The following RFFL variants were observed in gnomAD, a reference collection of about 807,000 sequenced individuals.
RFFL encodes ring finger and FYVE like domain containing E3 ubiquitin protein ligase.
In RFFL, 16 loss-of-function variants were observed where a neutral mutation model predicts 40.4. The ratio of observed to expected loss-of-function variants is 0.40; its 90% confidence interval spans 0.27 to 0.60. The LOEUF (loss-of-function observed/expected upper bound fraction) is 0.60, where lower values mean the gene tolerates loss of function less well. RFFL is among the 20% of genes least tolerant of loss of function. The pLI, the probability that RFFL is intolerant of heterozygous loss-of-function variation, is 0.47. For synonymous variants in RFFL, 154 were observed against 167.9 expected (o/e 0.92, Z 0.64); for missense variants, 367 against 451.7 (o/e 0.81, Z 1.70).
rs1491535228 is a variant in RFFL, at chr17:35,063,628, GTT to G, written c.-63_-62del. ...CACGACAGAAAGCAAGCTGTCTCTAGTTCCTGTGGCTGAGGTCGCTGGAGCCA... is the reference window on the plus strand; with the variant it reads ...CACGACAGAAAGCAAGCTGTCTCTAGCCTGTGGCTGAGGTCGCTGGAGCCA... On this transcript the variant is annotated 5_prime_UTR_variant, in exon 1 of 7. It removes the in-frame stop codon of an upstream open reading frame in the 5' UTR. Transcript: ENST00000394597. The G allele has an allele frequency of 2.6e-5, 4 of 152,246 alleles. No individual in the cohort carries two copies. Among genetic ancestry groups the G allele is most frequent in the African/African-American group, 9.7e-5 (4 of 41,434 alleles). 9.4% of individuals were successfully genotyped at this position (152,246 alleles called of 1,614,324 possible).
intron 1 of RFFL, among the ~76,000 whole-genome samples, chr17:35,081,690 C>A (rs965512433): frequency 6.6e-6 from 1 of 151,876 alleles, no homozygotes; most frequent in African/African-American, 2.4e-5. Flanking sequence ...ACCCTGGGGC[C>A]TAAGTCCATT....
In RFFL at chr17:35,006,868, G is replaced by C. The variant is rs1182611973; in HGVS notation, c.*5100C>G. The C allele has an allele frequency of 1.4e-5, 2 of 146,486 alleles. No individual in the cohort carries two copies. Among genetic ancestry groups the C allele is most frequent in the Non-Finnish European group, 3.0e-5 (2 of 66,328 alleles). 9.1% of individuals were successfully genotyped at this position (146,486 alleles called of 1,614,324 possible). ...TTGGCTTCCACCTACTGTTTAAAAT[G>C]TGTATGTTGGGGGAGTAGGGACAGC... On this transcript the variant is annotated 3_prime_UTR_variant, in exon 7 of 7. Coordinates refer to ENST00000394597, the MANE Select transcript of RFFL (RefSeq NM_001017368.2).
In RFFL at chr17:35,010,297, T is replaced by C. The variant is rs756134240; in HGVS notation, c.*1671A>G. On this transcript the variant is annotated 3_prime_UTR_variant, in exon 7 of 7. Coordinates refer to ENST00000394597, the MANE Select transcript of RFFL (RefSeq NM_001017368.2). ...GTTTAGGGTTTGCATAGTTCATCCA[T>C]TGGTAATGGGAAAACACTCTGCTTT... is the stretch of plus-strand genomic sequence containing the variant. The C allele has an allele frequency of 6.6e-6, 1 of 152,156 alleles. No homozygotes were observed. The highest frequency in any genetic ancestry group is 1.5e-5 in the Non-Finnish European group (1 of 68,026). The allele number at this position is 152,156 out of a possible 1,614,324, so 9.4% of individuals were successfully genotyped here. A position where few individuals can be genotyped will look rare whatever the true frequency, so the allele number is the denominator to read the frequency against.
chr17:35,073,984 A>G (rs2091363878), intron 1 of RFFL: 1 of 152,260 alleles, frequency 6.6e-6, no homozygotes, highest in African/African-American at 2.4e-5. Flanking sequence ...AAGTATTGCT[A>G]ACATCATTTT....
intron 1 of RFFL, among the ~76,000 whole-genome samples, chr17:35,077,219 T>A (rs958436971): frequency 2.6e-5 from 4 of 151,892 alleles, no homozygotes; most frequent in Non-Finnish European, 2.9e-5. Flanking sequence ...TCTCCCCAGG[T>A]AGGAATGGGA....
chr17:35,012,200 G>T, intron 6 of RFFL, 51 bp from the exon 7 acceptor site: 2 of 1,544,758 alleles, frequency 1.3e-6, no homozygotes, highest in Non-Finnish European at 1.8e-6. Flanking sequence ...TGAGGAGAAT[G>T]TCTTAAGTGT....
chr17:35,054,920 C>CT (rs72116250), intron 1 of RFFL, among the ~76,000 whole-genome samples: 1,656 of 141,406 alleles, frequency 0.012, 19 homozygotes, highest in African/African-American at 0.035. Flanking sequence ...GATCCAACAG[C>CT]TTTTTTTTTT....
At chr17:35,058,399 C>A (rs16970599) in intron 1 of RFFL, among the ~76,000 whole-genome samples, 3,821 of 152,144 alleles carry the variant, frequency 0.025, 164 homozygotes, top group African/African-American at 0.086. Context: ...AATCATATGC[C>A]CAAACTACCC....
intron 1 of RFFL, among the ~76,000 whole-genome samples, chr17:35,078,660 AT>A (rs772915885): frequency 4.3e-4 from 66 of 152,020 alleles, no homozygotes; most frequent in Non-Finnish European, 8.4e-4. Flanking sequence ...GCAAATTTCC[AT>A]TTTTCCCCAT....
intron 2 of RFFL, among the ~76,000 whole-genome samples, chr17:35,023,326 G>A (rs1425582535): frequency 2.6e-5 from 4 of 152,196 alleles, no homozygotes; most frequent in African/African-American, 9.6e-5. Context: ...TTTTGTCTAA[G>A]TATCATTCAC....
At chr17:35,069,023 T>C (rs2091334004) in intron 1 of RFFL, among the ~76,000 whole-genome samples, 1 of 152,180 alleles carries the variant, frequency 6.6e-6, no homozygotes. Flanking sequence ...TAAATTCTAA[T>C]AGCTTCATAA....
At chr17:35,063,037 C>T (rs971707136) in intron 1 of RFFL, among the ~76,000 whole-genome samples, 1 of 152,090 alleles carries the variant, frequency 6.6e-6, no homozygotes, top group Non-Finnish European at 1.5e-5. Context: ...TCACAAGATA[C>T]ACACAAAAAA....
At chr17:35,055,697 CAAAA>C (rs545193320) in intron 1 of RFFL, among the ~76,000 whole-genome samples, 2 of 142,242 alleles carry the variant, frequency 1.4e-5, no homozygotes, top group Admixed American at 6.9e-5. Flanking sequence ...AACAAACAAA[CAAAA>C]AAAAAACATT....
At chr17:35,082,164 A>G (rs995608154) in intron 1 of RFFL, among the ~76,000 whole-genome samples, 3 of 152,210 alleles carry the variant, frequency 2.0e-5, no homozygotes, top group East Asian at 1.9e-4. Context: ...TTTAGCTAGG[A>G]GACAGGTGTT....
chr17:35,054,443 TC>T (rs2142360436), intron 1 of RFFL, among the ~76,000 whole-genome samples: 1 of 152,312 alleles, frequency 6.6e-6, no homozygotes, highest in East Asian at 1.9e-4. Context: ...GAGGCACATC[TC>T]ATACATGTGC....
Position 35,011,885 on chromosome 17 carries a change from G to T in RFFL, c.*83C>A. The T allele has an allele frequency of 7.5e-7, 1 of 1,324,630 alleles. No homozygotes were observed. Among genetic ancestry groups the T allele is most frequent in the Non-Finnish European group, 1.1e-6 (1 of 940,164 alleles). 82.1% of individuals were successfully genotyped at this position (1,324,630 alleles called of 1,614,324 possible). A position where few individuals can be genotyped will look rare whatever the true frequency, so the allele number is the denominator to read the frequency against. On this transcript the variant is annotated 3_prime_UTR_variant, in exon 7 of 7. Coordinates refer to ENST00000394597, the MANE Select transcript of RFFL (RefSeq NM_001017368.2). ...AACCCTGCAATATTTCTACTAGCTT[G>T]CTCCTCTGCAAGCTGGCCAACCCTG...
chr17:35,040,915 T>TCTCTCCAA (rs1207062652), intron 1 of RFFL, among the ~76,000 whole-genome samples: 1 of 144,082 alleles, frequency 6.9e-6, no homozygotes, highest in Non-Finnish European at 1.5e-5. Flanking sequence ...AGATAGGGTC[T>TCTCTCCAA]CTCTCCAAGC....
At chr17:35,034,854 T>C (rs779015188) in intron 1 of RFFL, among the ~76,000 whole-genome samples, 19 of 152,050 alleles carry the variant, frequency 1.2e-4, no homozygotes, top group Admixed American at 9.2e-4. Context: ...AAGCACCAGC[T>C]ATATTGTGGG....
At chr17:35,076,211 C>A (rs1412021416) in intron 1 of RFFL, among the ~76,000 whole-genome samples, 1 of 151,438 alleles carries the variant, frequency 6.6e-6, no homozygotes, top group Non-Finnish European at 1.5e-5. Flanking sequence ...CCAGGCTGGT[C>A]TCGAATTCCT....
Sources: gnomAD v4.1 joint callset for allele counts (sites outside exome capture counted in the v4.1 genomes callset) on GRCh38, gnomAD v4.1.1 for gene constraint, MANE v1.5 for transcripts, NCBI Gene and HGNC (gene_info 2026-07-23, HGNC 2026-07-21) for gene names.